TRPC5: variants seen among roughly 807,000 people sequenced by gnomAD.
The protein encoded by TRPC5 is short transient receptor potential channel 5.
Under a neutral mutation model 56.5 loss-of-function variants are expected in TRPC5, and 9 were observed. The ratio of observed to expected loss-of-function variants is 0.16; its 90% CI spans 0.10 to 0.28. The LOEUF (loss-of-function observed/expected upper bound fraction) is 0.28, where lower values mean the gene tolerates loss of function less well. Among genes scored for constraint, TRPC5 ranks in the 10% least tolerant of loss-of-function variants. TRPC5 has a pLI of 1.00. For synonymous variants in TRPC5, 282 were observed against 278.5 expected (o/e 1.01, Z -0.13); for missense variants, 469 against 748.9 (o/e 0.63, Z 4.36).
chrX:111,955,073 C>A (rs1013003736), intron 1 of TRPC5, among the ~76,000 whole-genome samples: 3 of 111,579 alleles, frequency 2.7e-5, no homozygotes, highest in African/African-American at 9.8e-5. Context: ...TGAAGAGAGA[C>A]AACAGTAAAA....
At chrX:111,990,887 G>A (rs1036263694) in intron 1 of TRPC5, among the ~76,000 whole-genome samples, 2 of 112,127 alleles carry the variant, frequency 1.8e-5, no homozygotes, top group African/African-American at 6.5e-5. Flanking sequence ...TTCCTCGTGC[G>A]ACTTACTTTT....
chrX:111,777,998 G>A (rs1283592781), intron 10 of TRPC5, among the ~76,000 whole-genome samples: 1 of 112,450 alleles, frequency 8.9e-6, no homozygotes, highest in Non-Finnish European at 1.9e-5. Context: ...CACTGTACCA[G>A]AGCACTTAGC....
intron 1 of TRPC5, among the ~76,000 whole-genome samples, chrX:111,981,754 C>T (rs959540496): frequency 5.4e-5 from 6 of 111,079 alleles, no homozygotes; most frequent in African/African-American, 9.8e-5. Flanking sequence ...TTAATTACCA[C>T]GATGTAAAGT....
chrX:111,935,585 G>C (rs1308136820), intron 2 of TRPC5, among the ~76,000 whole-genome samples: 1 of 111,592 alleles, frequency 9.0e-6, no homozygotes, highest in Non-Finnish European at 1.9e-5. Context: ...TTTTTTCATG[G>C]TAGTTTCATA....
chrX:112,078,530 C>T (rs866388407), intron 1 of TRPC5, among the ~76,000 whole-genome samples: 10 of 111,582 alleles, frequency 9.0e-5, no homozygotes, highest in Middle Eastern at 9.3e-3. Flanking sequence ...GGATTGACCC[C>T]TCCAAGATCC....
At chrX:112,029,970 G>A (rs1324719498) in intron 1 of TRPC5, among the ~76,000 whole-genome samples, 1 of 110,913 alleles carries the variant, frequency 9.0e-6, no homozygotes, top group Non-Finnish European at 1.9e-5. Flanking sequence ...TGGGATCACA[G>A]GCTTGTGCAA....
At chrX:111,902,982 C>T (rs982031339) in intron 3 of TRPC5, 4 of 111,918 alleles carry the variant, frequency 3.6e-5, no homozygotes, top group African/African-American at 1.3e-4. Context: ...AATGGAAAGA[C>T]AAACACTCAC....
chrX:111,833,579 T>C (rs1285154247), intron 7 of TRPC5, among the ~76,000 whole-genome samples: 1 of 111,539 alleles, frequency 9.0e-6, no homozygotes, highest in Non-Finnish European at 1.9e-5. Flanking sequence ...ATTTATTTCA[T>C]TGCCATTTAT....
intron 1 of TRPC5, among the ~76,000 whole-genome samples, chrX:111,989,065 T>C (rs1928285331): frequency 8.9e-6 from 1 of 111,734 alleles, no homozygotes; most frequent in Non-Finnish European, 1.9e-5. Flanking sequence ...TCCTTTCTTG[T>C]TCCCTTTGCC....
At chrX:111,864,442 T>C (rs187511211) in intron 3 of TRPC5, among the ~76,000 whole-genome samples, 3 of 112,567 alleles carry the variant, frequency 2.7e-5, no homozygotes, top group African/African-American at 6.4e-5. Context: ...AAAAGAACTA[T>C]TGGTACTGAG....
chrX:111,822,362 A>C (rs1011540102), intron 7 of TRPC5, among the ~76,000 whole-genome samples: 2 of 111,905 alleles, frequency 1.8e-5, no homozygotes, highest in African/African-American at 6.5e-5. Flanking sequence ...GACAAATCTT[A>C]AGGTAAGGAA....
intron 1 of TRPC5, among the ~76,000 whole-genome samples, chrX:111,999,574 A>G (rs1022491866): frequency 3.6e-5 from 4 of 112,171 alleles, no homozygotes; most frequent in Non-Finnish European, 7.5e-5. Context: ...GGCTGCAGTA[A>G]ACATGGGAGT....
chrX:111,954,853 T>C (rs1019265862), intron 1 of TRPC5, among the ~76,000 whole-genome samples: 5 of 111,853 alleles, frequency 4.5e-5, no homozygotes, highest in Admixed American at 9.5e-5. Context: ...ATCGGTGTCC[T>C]ATTATGTGCC....
chrX:111,787,546 T>A (rs1945977483), intron 7 of TRPC5, among the ~76,000 whole-genome samples: 1 of 90,314 alleles, frequency 1.1e-5, no homozygotes, highest in Non-Finnish European at 2.2e-5. Flanking sequence ...AGGCAAGAAA[T>A]AACTAAGATC....
At chrX:111,877,072 G>A (rs1392432549) in intron 3 of TRPC5, among the ~76,000 whole-genome samples, 1 of 111,642 alleles carries the variant, frequency 9.0e-6, no homozygotes, top group Non-Finnish European at 1.9e-5. Flanking sequence ...TTGCAGTTTG[G>A]AAGATGAATT....
At position 111,967,666 on chromosome X, in the gene TRPC5, C is replaced by T. The variant is rs1480829755; in HGVS notation, c.-21-15225G>A. ...CAGAACAGAGCCCTCAGAAATAATG[C>T]CACATATCTACAACCATCTGATCTT... On this transcript the variant is annotated intron_variant, in intron 1 of 10. Transcript: ENST00000262839. Among the ~76,000 whole-genome samples the T allele has an allele frequency of 2.5e-4, 28 of 111,311 alleles. No individual in the cohort carries two copies. The East Asian group carries it at 7.9e-3, about 31-fold the overall frequency.
At chrX:111,993,985 T>C (rs1335540070) in intron 1 of TRPC5, among the ~76,000 whole-genome samples, 4 of 112,272 alleles carry the variant, frequency 3.6e-5, no homozygotes, top group Admixed American at 9.5e-5. Flanking sequence ...CCCATGCCTA[T>C]GTCCTGAATG....
At chrX:111,781,131 A>G (rs763180219) in intron 9 of TRPC5, 34 bp downstream of exon 9, 5 of 1,193,786 alleles carry the variant, frequency 4.2e-6, no homozygotes, top group South Asian at 3.5e-5. Flanking sequence ...CCAGCCAACA[A>G]CTATTGTGCT....
chrX:111,942,760 T>C (rs1259951212), intron 2 of TRPC5, among the ~76,000 whole-genome samples: 1 of 112,240 alleles, frequency 8.9e-6, no homozygotes, highest in Non-Finnish European at 1.9e-5. Flanking sequence ...ATCCATTGTT[T>C]TCACCTAGAA....
Sources: allele counts gnomAD v4.1 joint callset (sites outside exome capture counted in the v4.1 genomes callset), GRCh38; gene constraint gnomAD v4.1.1; transcripts MANE v1.5; gene names NCBI Gene and HGNC (gene_info 2026-07-23, HGNC 2026-07-21).